The following TIAM1 variants were observed in gnomAD, a reference collection of about 807,000 sequenced individuals.
TIAM1 encodes the protein rho guanine nucleotide exchange factor TIAM1.
Under a neutral mutation model 163.5 loss-of-function variants are expected in TIAM1, and 65 were observed. That is an observed-to-expected ratio of 0.40 (90% CI 0.33 to 0.49). The LOEUF is 0.49. Among genes scored for constraint, TIAM1 ranks in the 20% least tolerant of loss-of-function variants. The pLI is 0.77. For missense variants in TIAM1, 1,789 were observed against 2,044.7 expected (o/e 0.87, Z 2.41); for synonymous variants, 833 against 810.1 (o/e 1.03, Z -0.48).
At chr21:31,205,310 T>C (rs1187255016) in intron 11 of TIAM1, among the ~76,000 whole-genome samples, 1 of 152,224 alleles carries the variant, frequency 6.6e-6, no homozygotes, top group Non-Finnish European at 1.5e-5. Context: ...TGAAATTTCA[T>C]GGGTTCTTAG....
chr21:31,152,621 C>G lies in TIAM1; in HGVS notation c.3366+15G>C. The G allele has an allele frequency of 6.2e-7, 1 of 1,613,802 alleles. No homozygotes were observed. Among genetic ancestry groups the G allele is most frequent in the South Asian group, 1.1e-5 (1 of 90,994 alleles). The stretch of plus-strand genomic sequence containing the variant: ...ACTATAGCCCTGACGCTGGAGGCAG[C>G]TTTGCACTATTTACCTTAAATTGAT... On this transcript the variant is annotated intron_variant, in intron 19 of 27. Coordinates refer to ENST00000541036, the MANE Select transcript of TIAM1 (RefSeq NM_001353694.2).
intron 12 of TIAM1, among the ~76,000 whole-genome samples, chr21:31,195,755 A>G (rs891698813): frequency 2.0e-5 from 3 of 152,258 alleles, no homozygotes; most frequent in Non-Finnish European, 4.4e-5. Context: ...ATTGAAACAG[A>G]AAACAAATTA....
At chr21:31,366,437 G>T (rs2076505804) in intron 2 of TIAM1, among the ~76,000 whole-genome samples, 1 of 152,172 alleles carries the variant, frequency 6.6e-6, no homozygotes, top group African/African-American at 2.4e-5. Context: ...TTTGGGAATT[G>T]ATGGGCAATG....
At chr21:31,125,309 A>T (rs936673678) in intron 26 of TIAM1, among the ~76,000 whole-genome samples, 12 of 151,670 alleles carry the variant, frequency 7.9e-5, no homozygotes, top group Admixed American at 5.9e-4. Flanking sequence ...TTTACCTGGT[A>T]TTCCCTATTA....
At chr21:31,149,012 T>C (rs532914328) in intron 19 of TIAM1, among the ~76,000 whole-genome samples, 1 of 151,408 alleles carries the variant, frequency 6.6e-6, no homozygotes, top group East Asian at 1.9e-4. Context: ...GAGCAGCAAT[T>C]GTGGAAATCA....
intron 2 of TIAM1, among the ~76,000 whole-genome samples, chr21:31,388,130 C>T (rs1263182169): frequency 1.3e-5 from 2 of 151,302 alleles, no homozygotes; most frequent in Non-Finnish European, 2.9e-5. Context: ...GTGCTGTCTG[C>T]AAAACAACGA....
intron 23 of TIAM1, among the ~76,000 whole-genome samples, chr21:31,131,852 A>T (rs887286573): frequency 6.6e-6 from 1 of 152,234 alleles, no homozygotes; most frequent in African/African-American, 2.4e-5. Context: ...GAGTGTCCTT[A>T]TAAGAGACTT....
intron 1 of TIAM1, among the ~76,000 whole-genome samples, chr21:31,538,182 T>C (rs1193235482): frequency 6.6e-6 from 1 of 152,254 alleles, no homozygotes; most frequent in Non-Finnish European, 1.5e-5. Flanking sequence ...TTCATCAAGC[T>C]GTACAAATAC....
chr21:31,310,713 T>C (rs1387398437), intron 2 of TIAM1, among the ~76,000 whole-genome samples: 2 of 152,164 alleles, frequency 1.3e-5, no homozygotes, highest in African/African-American at 4.8e-5. Context: ...TTCCTTCTAC[T>C]ACCAATTTGG....
intron 1 of TIAM1, among the ~76,000 whole-genome samples, chr21:31,474,993 C>T (rs932396562): frequency 4.0e-5 from 6 of 150,730 alleles, no homozygotes; most frequent in Admixed American, 2.7e-4. Flanking sequence ...GAATTGCAGC[C>T]GCTCCACATA....
At chr21:31,260,515 G>C (rs1029398462) in intron 4 of TIAM1, among the ~76,000 whole-genome samples, 3 of 151,724 alleles carry the variant, frequency 2.0e-5, no homozygotes, top group Admixed American at 6.6e-5. Flanking sequence ...CTTTTTAAGA[G>C]TATAAAAAGG....
At chr21:31,456,755 A>G (rs2045118339) in intron 2 of TIAM1, among the ~76,000 whole-genome samples, 2 of 152,162 alleles carry the variant, frequency 1.3e-5, no homozygotes, top group African/African-American at 2.4e-5. Context: ...ATCCTATTCT[A>G]TCATCCATTA....
chr21:31,517,389 A>C (rs2047420183), intron 1 of TIAM1, among the ~76,000 whole-genome samples: 1 of 152,142 alleles, frequency 6.6e-6, no homozygotes, highest in Non-Finnish European at 1.5e-5. Context: ...AATTGTTAAA[A>C]CTTTAAAACG....
intron 20 of TIAM1, among the ~76,000 whole-genome samples, chr21:31,145,345 G>A (rs1371317802): frequency 2.0e-5 from 3 of 152,166 alleles, no homozygotes; most frequent in East Asian, 3.8e-4. Context: ...CTCTTTGGCA[G>A]CAAACATAAA....
intron 26 of TIAM1, among the ~76,000 whole-genome samples, chr21:31,124,963 T>G (rs1265789885): frequency 6.6e-6 from 1 of 152,184 alleles, no homozygotes; most frequent in Non-Finnish European, 1.5e-5. Context: ...AGTGGGAGTT[T>G]GTACCAAGAA....
intron 2 of TIAM1, among the ~76,000 whole-genome samples, chr21:31,436,137 C>A (rs2044200449): frequency 6.6e-6 from 1 of 152,164 alleles, no homozygotes; most frequent in South Asian, 2.1e-4. Flanking sequence ...ACTTTGTTCT[C>A]ATCCCTACAG....
intron 2 of TIAM1, among the ~76,000 whole-genome samples, chr21:31,411,829 G>A (rs1007019849): frequency 2.0e-5 from 3 of 152,012 alleles, no homozygotes; most frequent in Admixed American, 6.6e-5. Context: ...GCCTGCAGGC[G>A]GGCTATGGTT....
At chr21:31,521,065 T>TC (rs2047564086) in intron 1 of TIAM1, among the ~76,000 whole-genome samples, 1 of 152,246 alleles carries the variant, frequency 6.6e-6, no homozygotes, top group Non-Finnish European at 1.5e-5. Flanking sequence ...TTTCACTCCA[T>TC]CCATGCAGGC....
intron 1 of TIAM1, among the ~76,000 whole-genome samples, chr21:31,548,372 C>A (rs540327742): frequency 6.6e-6 from 1 of 152,064 alleles, no homozygotes; most frequent in South Asian, 2.1e-4. Flanking sequence ...AACTCCTGAC[C>A]TCAAGTGATC....
Sources: allele counts gnomAD v4.1 joint callset (sites outside exome capture counted in the v4.1 genomes callset), GRCh38; gene constraint gnomAD v4.1.1; transcripts MANE v1.5; gene names NCBI Gene and HGNC (gene_info 2026-07-23, HGNC 2026-07-21).